The following SARM1 variants were observed in gnomAD, a reference collection of about 807,000 sequenced individuals.
SARM1 encodes the protein sterile alpha and TIR motif containing 1.
A neutral mutation model predicts 65.1 loss-of-function variants in SARM1; 60 were observed. The ratio of observed to expected loss-of-function variants is 0.92; its 90% CI spans 0.75 to 1.14. The LOEUF (loss-of-function observed/expected upper bound fraction) is 1.14. Ranked by LOEUF, SARM1 falls within the 50% of genes most tolerant of loss-of-function variation. The pLI is 0.00. For synonymous variants in SARM1, 417 were observed against 465.4 expected, an observed-to-expected ratio of 0.90 and a Z score of 1.34; for missense variants, 913 against 1,015.7, an observed-to-expected ratio of 0.90 and a Z score of 1.37.
intron 1 of SARM1, among the ~76,000 whole-genome samples, chr17:28,378,384 A>C (rs2068004771): frequency 6.6e-6 from 1 of 152,180 alleles, no homozygotes; most frequent in African/African-American, 2.4e-5. Context: ...ATGCAACTGA[A>C]ATGCAATCTC....
At position 28,388,443 on chromosome 17, in the gene SARM1, G is replaced by T; in HGVS notation, c.1827G>T (p.Gln609His). ...EAGKFEDKLI[Q>H]SVMGARNFVL... ...GCAAGTTCGAGGACAAACTCATCCAGAGTGTCATGGGTGCCCGCAACTTTG... is the reference window on the plus strand; with the variant it reads ...GCAAGTTCGAGGACAAACTCATCCATAGTGTCATGGGTGCCCGCAACTTTG... The change falls in exon 7 of 9, where the codon CAG becomes CAT. Residue 609 changes from glutamine to histidine, a missense_variant. By Grantham distance (24) the Gln-to-His change is conservative (BLOSUM62 0). Coordinates refer to ENST00000585482, the MANE Select transcript of SARM1 (RefSeq NM_015077.4). The T allele has an allele frequency of 6.2e-7, 1 of 1,614,018 alleles. No individual in the cohort carries two copies. The highest frequency in any genetic ancestry group is 8.5e-7 in the Non-Finnish European group (1 of 1,179,902).
intron 7 of SARM1, among the ~76,000 whole-genome samples, chr17:28,392,226 C>T (rs2068084535): frequency 6.6e-6 from 1 of 151,848 alleles, no homozygotes; most frequent in South Asian, 2.1e-4. Flanking sequence ...ATTCCCCTGC[C>T]TCAGCCTCCT....
Position 28,388,385 on chromosome 17 carries a change from G to A in SARM1, c.1769G>A (p.Ser590Asn). 1 of 1,614,004 alleles carries A rather than the reference G, an allele frequency of 6.2e-7. No homozygotes were observed. The highest frequency in any genetic ancestry group is 8.5e-7 in the Non-Finnish European group (1 of 1,179,896). The change falls in exon 7 of 9, where the codon AGT (serine) becomes AAT (asparagine). Residue 590 changes from serine to asparagine, a missense_variant. Transcript: ENST00000585482. ...GTGCACCTGCAGCTGCATGGCTTCA[G>A]TGTCTTCATTGATGTGGAGAAGCTG... The part of the protein sequence containing the change: ...LKVHLQLHGF[S>N]VFIDVEKLEA...
intron 7 of SARM1, among the ~76,000 whole-genome samples, chr17:28,393,932 G>T (rs1381939525): frequency 6.6e-6 from 1 of 152,206 alleles, no homozygotes; most frequent in Non-Finnish European, 1.5e-5. Context: ...CTTGGTCAGG[G>T]CAGTGGGAGA....
chr17:28,401,409 A>G lies in SARM1; in HGVS notation c.*5123A>G, dbSNP rs1251077211. The G allele has an allele frequency of 6.4e-6, 1 of 157,464 alleles. No homozygotes were observed. The highest frequency in any genetic ancestry group is 6.0e-5 in the Admixed American group (1 of 16,578). The allele number at this position is 157,464 out of a possible 1,614,324, so 9.8% of individuals were successfully genotyped here. ...AGTTTAGGTGAATGAATGAAGACAC[A>G]TGGATTCTGGGGACACCAGAACCCA... is the stretch of plus-strand genomic sequence containing the variant. On this transcript the variant is annotated 3_prime_UTR_variant, in exon 9 of 9. Coordinates refer to ENST00000585482, the MANE Select transcript of SARM1 (RefSeq NM_015077.4).
At chr17:28,379,513 T>C (rs2068010131) in intron 1 of SARM1, among the ~76,000 whole-genome samples, 1 of 152,016 alleles carries the variant, frequency 6.6e-6, no homozygotes, top group Non-Finnish European at 1.5e-5. Flanking sequence ...GGTTTCACCA[T>C]GTTAGCCAGG....
At chr17:28,379,044 G>A (rs1307478631) in intron 1 of SARM1, among the ~76,000 whole-genome samples, 2 of 152,140 alleles carry the variant, frequency 1.3e-5, no homozygotes, top group Non-Finnish European at 2.9e-5. Context: ...CCTTGTCTAA[G>A]TGCTTTTCTC....
chr17:28,384,875 A>G lies in SARM1; in HGVS notation c.1339A>G (p.Thr447Ala). ...QVDGDLLLRLTEEELQTDLGM... is the reference protein window; with the variant it reads ...QVDGDLLLRLAEEELQTDLGM... The stretch of plus-strand genomic sequence containing the variant: ...GGATGGCGACCTGCTTCTGCGGCTC[A>G]CGGAGGAGGAACTCCAGACCGACCT... Residue 447 changes from threonine (T) to alanine (A), a missense_variant, in exon 4 of 9, where the codon ACG becomes GCG. Physicochemically the swap from Thr to Ala is moderately conservative, Grantham distance 58. Around this residue, in one of 3 missense-constraint regions of SARM1, gnomAD observed 862 missense variants for 952.1 expected, o/e 0.91. Transcript: ENST00000585482. The surrounding 1 kb of genome is among the most constrained non-coding windows in gnomAD (Gnocchi z 4.4). The G allele has an allele frequency of 1.3e-6, 2 of 1,558,202 alleles. No individual in the cohort carries two copies. Among genetic ancestry groups the G allele is most frequent in the Non-Finnish European group, 1.7e-6 (2 of 1,151,044 alleles).
rs2068041309 is a variant in SARM1, at chr17:28,384,697, A to C, written c.1302+128A>C. 8.4e-6 allele frequency: 10 copies of C among 1,196,830 alleles called. No individual in the cohort carries two copies. In the South Asian group the frequency reaches 1.3e-4, roughly 16 times the overall value. The allele number at this position is 1,196,830 out of a possible 1,614,324, so 74.1% of individuals were successfully genotyped here. The stretch of plus-strand genomic sequence containing the variant: ...TTTTGGGGGCGGGGAGCCTGTACGC[A>C]GCCACCGTTAGGGTCACTCGGCTCT... On this transcript the variant is annotated intron_variant, in intron 3 of 8. Transcript: ENST00000585482. This position sits in a 1 kb window ranked among gnomAD's most constrained non-coding sequence, Gnocchi z 4.4.
Position 28,372,205 on chromosome 17 carries a change from G to A in SARM1, c.173G>A (p.Gly58Asp). 2 of 1,375,764 alleles carry A rather than the reference G, an allele frequency of 1.5e-6. No individual in the cohort carries two copies. Among genetic ancestry groups the A allele is most frequent in the Admixed American group, 3.7e-5 (1 of 27,006 alleles). The allele number at this position is 1,375,764 out of a possible 1,614,324, so 85.2% of individuals were successfully genotyped here. Residue 58 changes from glycine (G) to aspartate (D), a missense_variant, in exon 1 of 9, where the codon GGC (glycine) becomes GAC (aspartate). Physicochemically the swap from Gly to Asp is moderately conservative, Grantham distance 94. This residue lies in a region of SARM1 where 862 missense variants were observed against 952.1 expected (regional missense o/e 0.91). Coordinates refer to ENST00000585482, the MANE Select transcript of SARM1 (RefSeq NM_015077.4). This position sits in a 1 kb window ranked among gnomAD's most constrained non-coding sequence, Gnocchi z 5.2. ...RGPREVSPGA[G>D]TEVQDALERA... ...CCCCGCGAAGTGTCGCCGGGGGCAG[G>A]CACCGAGGTGCAGGACGCCCTGGAG...
At chr17:28,386,103 G>A (rs1007415645) in intron 5 of SARM1, among the ~76,000 whole-genome samples, 15 of 152,090 alleles carry the variant, frequency 9.9e-5, no homozygotes, top group African/African-American at 3.6e-4. Flanking sequence ...AGACCAACCT[G>A]GGCAACATGG....
In SARM1 at chr17:28,401,871, G is replaced by A. The variant is rs1044754741; in HGVS notation, c.*5585G>A. On this transcript the variant is annotated 3_prime_UTR_variant, in exon 9 of 9. Transcript: ENST00000585482. ...GTGGAAAATGAAACCCATGTCACAA[G>A]GTTGTTCACTTCTGGGCTTGTACAC... The A allele has an allele frequency of 6.1e-6, 1 of 164,856 alleles. No individual in the cohort carries two copies. The highest frequency in any genetic ancestry group is 1.3e-5 in the Non-Finnish European group (1 of 76,492). The allele number at this position is 164,856 out of a possible 1,614,324, so 10.2% of individuals were successfully genotyped here.
Position 28,402,600 on chromosome 17 carries a change from T to A in SARM1, c.*6314T>A. The A allele has an allele frequency of 3.2e-6, 1 of 316,434 alleles. No individual in the cohort carries two copies. The highest frequency in any genetic ancestry group is 6.1e-6 in the Non-Finnish European group (1 of 163,674). The allele number at this position is 316,434 out of a possible 1,614,324, so 19.6% of individuals were successfully genotyped here. A position where few individuals can be genotyped will look rare whatever the true frequency, so the allele number is the denominator to read the frequency against. On this transcript the variant is annotated 3_prime_UTR_variant, in exon 9 of 9. Coordinates refer to ENST00000585482, the MANE Select transcript of SARM1 (RefSeq NM_015077.4). ...GTCACAGCAGGCATCACCCACCCACTTGGCACTTAGTAGGGATATGGCAGG... is the reference window on the plus strand; with the variant it reads ...GTCACAGCAGGCATCACCCACCCACATGGCACTTAGTAGGGATATGGCAGG...
chr17:28,389,246 A>G (rs1040895493), intron 7 of SARM1, among the ~76,000 whole-genome samples: 1 of 152,192 alleles, frequency 6.6e-6, no homozygotes, highest in Non-Finnish European at 1.5e-5. Flanking sequence ...GTATAATAAT[A>G]GTATCTAACT....
In SARM1 at chr17:28,400,106, G is replaced by T; in HGVS notation, c.*3820G>T. ...GACAAGGTCTTGCTATGTTGCCCAG[G>T]CTGATCTTGAATTCCCGGGCTCAAG... is the stretch of plus-strand genomic sequence containing the variant. On this transcript the variant is annotated 3_prime_UTR_variant, in exon 9 of 9. Coordinates refer to ENST00000585482, the MANE Select transcript of SARM1 (RefSeq NM_015077.4). 1 of 245,406 alleles carries T rather than the reference G, an allele frequency of 4.1e-6. No homozygotes were observed. Among genetic ancestry groups the T allele is most frequent in the Non-Finnish European group, 8.0e-6 (1 of 124,660 alleles). The allele number at this position is 245,406 out of a possible 1,614,324, so 15.2% of individuals were successfully genotyped here.
chr17:28,376,333 C>T (rs922134350), intron 1 of SARM1, among the ~76,000 whole-genome samples: 5 of 137,976 alleles, frequency 3.6e-5, no homozygotes, highest in African/African-American at 5.5e-5. Flanking sequence ...CCAAGGCAGG[C>T]GAATCGTTTG....
chr17:28,372,252 C>A lies in SARM1; in HGVS notation c.220C>A (p.Gln74Lys). Residue 74 changes from glutamine (Q) to lysine (K), a missense_variant, in exon 1 of 9, where the codon CAG becomes AAG. Coordinates refer to ENST00000585482, the MANE Select transcript of SARM1 (RefSeq NM_015077.4). This position sits in a 1 kb window ranked among gnomAD's most constrained non-coding sequence, Gnocchi z 5.2. ...ALERALPELQQALSALKQAGG... is the reference protein window; with the variant it reads ...ALERALPELQKALSALKQAGG... ...GGAGCGCGCGCTGCCGGAGCTGCAG[C>A]AGGCCTTGTCCGCGCTGAAGCAGGC... 1.4e-6 allele frequency: 2 copies of A among 1,386,804 alleles called. No homozygotes were observed. Among genetic ancestry groups the A allele is most frequent in the South Asian group, 3.2e-5 (2 of 61,652 alleles). 85.9% of individuals were successfully genotyped at this position (1,386,804 alleles called of 1,614,324 possible).
Position 28,372,240 on chromosome 17 carries a change from C to G in SARM1, c.208C>G (p.Pro70Ala), listed in dbSNP as rs1476467173. The G allele has an allele frequency of 5.1e-6, 7 of 1,385,532 alleles. No homozygotes were observed. The East Asian group carries it at 1.5e-4, about 30-fold the overall frequency. The allele number at this position is 1,385,532 out of a possible 1,614,324, so 85.8% of individuals were successfully genotyped here. A position where few individuals can be genotyped will look rare whatever the true frequency, so the allele number is the denominator to read the frequency against. Residue 70 changes from proline (P) to alanine (A), a missense_variant, in exon 1 of 9, where the codon CCG becomes GCG. Coordinates refer to ENST00000585482, the MANE Select transcript of SARM1 (RefSeq NM_015077.4). This position sits in a 1 kb window ranked among gnomAD's most constrained non-coding sequence, Gnocchi z 5.2. ...EVQDALERAL[P>A]ELQQALSALK... ...GCAGGACGCCCTGGAGCGCGCGCTG[C>G]CGGAGCTGCAGCAGGCCTTGTCCGC...
chr17:28,402,077 C>T lies in SARM1; in HGVS notation c.*5791C>T, dbSNP rs2142458478. On this transcript the variant is annotated 3_prime_UTR_variant, in exon 9 of 9. Coordinates refer to ENST00000585482, the MANE Select transcript of SARM1 (RefSeq NM_015077.4). Reference sequence around the variant, plus strand: ...ATCCAAGGTGGCATGATCCTCTGCCCATTGTGGGCAATTTCACAGAAATGT... The same window carrying T: ...ATCCAAGGTGGCATGATCCTCTGCCTATTGTGGGCAATTTCACAGAAATGT... 3.3e-6 allele frequency: 2 copies of T among 600,614 alleles called. No individual in the cohort carries two copies. Among genetic ancestry groups the T allele is most frequent in the East Asian group, 2.8e-5 (1 of 35,180 alleles). The allele number at this position is 600,614 out of a possible 1,614,324, so 37.2% of individuals were successfully genotyped here.
Sources: gnomAD v4.1 joint callset for allele counts (sites outside exome capture counted in the v4.1 genomes callset) on GRCh38, gnomAD v4.1.1 for gene constraint, gnomAD v4.1.1 regional missense constraint, Gnocchi (gnomAD v3.1) non-coding constraint, MANE v1.5 for transcripts, NCBI Gene and HGNC (gene_info 2026-07-23, HGNC 2026-07-21) for gene names.